The following DDX5 variants were observed in gnomAD, a reference collection of about 807,000 sequenced individuals.
DDX5 encodes probable ATP-dependent RNA helicase DDX5.
A neutral mutation model predicts 68.6 loss-of-function variants in DDX5; 6 were observed. The ratio of observed to expected loss-of-function variants is 0.09; its 90% CI spans 0.05 to 0.17. The LOEUF (loss-of-function observed/expected upper bound fraction) is 0.17, where lower values mean the gene tolerates loss of function less well. Among genes scored for constraint, DDX5 ranks in the 10% least tolerant of loss-of-function variants. The pLI is 1.00. For synonymous variants in DDX5, 350 were observed against 247.0 expected (o/e 1.42, Z -3.91); for missense variants, 499 against 756.1 (o/e 0.66, Z 3.99).
chr17:64,500,857 C>T (rs1390374683), intron 11 of DDX5, 84 bp from the exon 12 acceptor site: 2 of 981,146 alleles, frequency 2.0e-6, no homozygotes, highest in Admixed American at 1.9e-5. Context: ...AAAAGTTAGA[C>T]AATTGTATTC....
rs782806315 is a variant in DDX5 at position 64,506,136 on chromosome 17, G to A, written c.-17C>T. ...ACCCGACATGGCGTCAATGGTTGCG[G>A]TTGGCGGGGAACGAAGTATATAGAA... On this transcript the variant is annotated 5_prime_UTR_variant, in exon 1 of 13. Transcript: ENST00000225792. 3.1e-6 allele frequency: 5 copies of A among 1,610,198 alleles called. No homozygotes were observed. Among genetic ancestry groups the A allele is most frequent in the Middle Eastern group, 1.7e-4 (1 of 6,058 alleles).
In DDX5 at chr17:64,499,748, G is replaced by A. The variant is rs559810965; in HGVS notation, c.*175C>T. 7.1e-5 allele frequency: 38 copies of A among 532,800 alleles called. No individual in the cohort carries two copies. The highest frequency in any genetic ancestry group is 1.9e-4 in the Admixed American group (5 of 26,668). The allele number at this position is 532,800 out of a possible 1,614,324, so 33.0% of individuals were successfully genotyped here. On this transcript the variant is annotated 3_prime_UTR_variant, in exon 13 of 13. Coordinates refer to ENST00000225792, the MANE Select transcript of DDX5 (RefSeq NM_004396.5). ...CTAGTACAAAAAAAACCTAAAAATT[G>A]TTTCAGGAATGTAGAGAAATATCCA... is the stretch of plus-strand genomic sequence containing the variant.
intron 8 of DDX5, 183 bp downstream of exon 8, chr17:64,502,743 A>G (rs946499164): frequency 2.7e-6 from 2 of 742,644 alleles, no homozygotes; most frequent in Non-Finnish European, 2.1e-6. Context: ...AATTCCTTCT[A>G]TAGGAAAGCT....
At position 64,503,364 on chromosome 17, in the gene DDX5, TA is replaced by T. The variant is rs782768102; in HGVS notation, c.650-17del. 6.2e-7 allele frequency: 1 copy of T among 1,614,116 alleles called. No individual in the cohort carries two copies. Among genetic ancestry groups the T allele is most frequent in the East Asian group, 2.2e-5 (1 of 44,896 alleles). ...ATTTCCACACCTTTAATTAAATACG[TA>T]AGTGTAACTACAATACCTAGGATAT... On this transcript the variant is annotated splice_polypyrimidine_tract_variant and intron_variant, in intron 6 of 12. Transcript: ENST00000225792.
chr17:64,502,688 C>A (rs922543187), intron 8 of DDX5, 139 bp from the exon 9 acceptor site: 3 of 732,328 alleles, frequency 4.1e-6, no homozygotes, highest in Non-Finnish European at 6.6e-6. Flanking sequence ...ATCCACTTAT[C>A]GAGCAGTTCG....
Position 64,506,183 on chromosome 17 carries a change from A to G in DDX5, c.-64T>C. 6.3e-7 allele frequency: 1 copy of G among 1,586,866 alleles called. No individual in the cohort carries two copies. Among genetic ancestry groups the G allele is most frequent in the Non-Finnish European group, 8.6e-7 (1 of 1,166,684 alleles). ...AGAAAAGCGTGCGACAAGTCGCTGG[A>G]AATGGCCTCGATGACGGCGAAGCCT... is the stretch of plus-strand genomic sequence containing the variant. On this transcript the variant is annotated 5_prime_UTR_variant, in exon 1 of 13. Coordinates refer to ENST00000225792, the MANE Select transcript of DDX5 (RefSeq NM_004396.5).
chr17:64,506,018 T>TTGG, intron 1 of DDX5, 58 bp downstream of exon 1: 2 of 1,309,508 alleles, frequency 1.5e-6, no homozygotes, highest in Non-Finnish European at 2.1e-6. Context: ...GCCGCCACCC[T>TTGG]GACCCGCCCT....
rs782094805 is a variant in DDX5 at position 64,504,770 on chromosome 17, C to G, written c.117G>C (p.Glu39Asp). ...LSGKKFGNPG[E>D]KLVKKKWNLD... ...GATTCCACTTCTTTTTAACTAATTT[C>G]TCCCCAGGGTTTCCAAACTTCTTTC... Residue 39 changes from glutamate (E) to aspartate (D), a missense_variant, in exon 2 of 13, where the codon GAG becomes GAC. Transcript: ENST00000225792. 2.5e-6 allele frequency: 4 copies of G among 1,614,016 alleles called. No individual in the cohort carries two copies. In the Admixed American group the frequency reaches 6.7e-5, roughly 27 times the overall value.
chr17:64,505,077 G>T (rs1013162585), intron 1 of DDX5: 2 of 401,158 alleles, frequency 5.0e-6, no homozygotes, highest in Non-Finnish European at 8.8e-6. Context: ...TATCATGTCG[G>T]AAGCCGGGGA....
At chr17:64,505,398 A>C in intron 1 of DDX5, 1 of 504,028 alleles carries the variant, frequency 2.0e-6, no homozygotes, top group Non-Finnish European at 3.6e-6. Flanking sequence ...AATCAAAATT[A>C]TATAACGCAG....
intron 1 of DDX5, 57 bp downstream of exon 1, chr17:64,506,019 G>GGGCCCC: frequency 2.0e-5 from 27 of 1,360,354 alleles, no homozygotes; most frequent in Non-Finnish European, 2.6e-5. Context: ...CCGCCACCCT[G>GGGCCCC]ACCCGCCCTC....
rs782276234 is a variant in DDX5 at position 64,504,821 on chromosome 17, T to A, written c.66A>T (p.Gly22=). The A allele has an allele frequency of 6.2e-7, 1 of 1,604,586 alleles. No homozygotes were observed. Among genetic ancestry groups the A allele is most frequent in the East Asian group, 2.2e-5 (1 of 44,816 alleles). ...RDRGFGAPRF[G]GSRAGPLSGK... is the part of the protein sequence containing the mutation. Reference sequence around the variant, plus strand: ...CAGATAAGGGCCCTGCCCTACTTCCTCCAAATCGAGGTGCACCAAACCTGG... The same window carrying A: ...CAGATAAGGGCCCTGCCCTACTTCCACCAAATCGAGGTGCACCAAACCTGG... Residue 22 remains glycine (G), a synonymous_variant, in exon 2 of 13, where the codon GGA becomes GGT. Coordinates refer to ENST00000225792, the MANE Select transcript of DDX5 (RefSeq NM_004396.5).
At position 64,506,266 on chromosome 17, in the gene DDX5, G is replaced by A. The variant is rs1162374966; in HGVS notation, c.-147C>T. ...GACACCAGCCGAAGCTGCACTACTAGAGACCGGTAGAAATGAATGAGGTGC... is the reference window on the plus strand; with the variant it reads ...GACACCAGCCGAAGCTGCACTACTAAAGACCGGTAGAAATGAATGAGGTGC... On this transcript the variant is annotated 5_prime_UTR_variant, in exon 1 of 13. Coordinates refer to ENST00000225792, the MANE Select transcript of DDX5 (RefSeq NM_004396.5). 54 of 1,539,288 alleles carry A rather than the reference G, an allele frequency of 3.5e-5. No homozygotes were observed. The highest frequency in any genetic ancestry group is 2.1e-4 in the African/African-American group (15 of 72,894).
chr17:64,503,151 C>G (rs2144262252), intron 7 of DDX5, 37 bp downstream of exon 7: 2 of 1,612,770 alleles, frequency 1.2e-6, no homozygotes, highest in Non-Finnish European at 1.7e-6. Context: ...AGTGAAAACA[C>G]AATTCAGTTT....
In DDX5 at chr17:64,503,330, G is replaced by A; in HGVS notation, c.668C>T (p.Ala223Val). The A allele has an allele frequency of 6.2e-7, 1 of 1,614,220 alleles. No homozygotes were observed. The highest frequency in any genetic ancestry group is 8.5e-7 in the Non-Finnish European group (1 of 1,180,036). Residue 223 changes from alanine (A) to valine (V), a missense_variant, in exon 7 of 13, where the codon GCA (alanine) becomes GTA (valine). Transcript: ENST00000225792. ...DLERGVEICI[A>V]TPGRLIDFLE... ...AAAGTCAATCAGTCTTCCAGGTGTT[G>A]CAATACAGATTTCCACACCTTTAAT...
intron 1 of DDX5, chr17:64,505,728 C>T: frequency 6.5e-7 from 1 of 1,536,126 alleles, no homozygotes; most frequent in Non-Finnish European, 8.7e-7. Flanking sequence ...CCCAAAAACA[C>T]CTCCCGAAAC....
Position 64,503,110 on chromosome 17 carries a change from T to TG in DDX5, c.811-13dup, listed in dbSNP as rs782429822. 20 of 1,611,534 alleles carry TG rather than the reference T, an allele frequency of 1.2e-5. No homozygotes were observed. The highest frequency in any genetic ancestry group is 1.5e-5 in the Non-Finnish European group (18 of 1,178,354). On this transcript the variant is annotated splice_polypyrimidine_tract_variant and intron_variant, in intron 7 of 12. Coordinates refer to ENST00000225792, the MANE Select transcript of DDX5 (RefSeq NM_004396.5). The stretch of plus-strand genomic sequence containing the variant: ...GTTTGCCTATCAGGCTAATGGATTT[T>TG]GGGGGGAAAAATTAGTATCAGACTC...
chr17:64,505,908 C>T (rs1568109594), intron 1 of DDX5, 168 bp downstream of exon 1: 2 of 1,534,950 alleles, frequency 1.3e-6, no homozygotes, highest in African/African-American at 1.4e-5. Flanking sequence ...AAATCTCTTC[C>T]AATCACTGTG....
intron 1 of DDX5, 57 bp downstream of exon 1, chr17:64,506,019 G>GCCCCCCCCCCCA: frequency 2.9e-6 from 4 of 1,360,440 alleles, no homozygotes; most frequent in South Asian, 1.3e-5. Flanking sequence ...CCGCCACCCT[G>GCCCCCCCCCCCA]ACCCGCCCTC....
Sources: allele counts gnomAD v4.1 joint callset, GRCh38; gene constraint gnomAD v4.1.1; transcripts MANE v1.5; gene names NCBI Gene and HGNC (gene_info 2026-07-23, HGNC 2026-07-21).